FGF11: variants seen among roughly 807,000 people sequenced by gnomAD.
FGF11 encodes the protein fibroblast growth factor 11.
Under a neutral mutation model 25.1 loss-of-function variants are expected in FGF11, and 25 were observed. The ratio of observed to expected loss-of-function variants is 1.00; its 90% CI spans 0.73 to 1.39. The LOEUF (loss-of-function observed/expected upper bound fraction) is 1.39. Among genes scored for constraint, FGF11 ranks in the 40% most tolerant of loss-of-function variants. The pLI is 0.00. For missense variants in FGF11, 320 were observed against 311.0 expected (o/e 1.03, Z -0.22); for synonymous variants, 130 against 128.9 (o/e 1.01, Z -0.06).
At position 7,439,669 on chromosome 17, in the gene FGF11, G is replaced by A. The variant is rs1908219528; in HGVS notation, c.49G>A (p.Glu17Lys). 2 of 1,527,258 alleles carry A rather than the reference G, an allele frequency of 1.3e-6. No homozygotes were observed. The highest frequency in any genetic ancestry group is 1.7e-6 in the Non-Finnish European group (2 of 1,144,568). The allele number at this position is 1,527,258 out of a possible 1,614,324, so 94.6% of individuals were successfully genotyped here. A position where few individuals can be genotyped will look rare whatever the true frequency, so the allele number is the denominator to read the frequency against. ...GATCCGGCAGAAGCGGGAGGTCCGC[G>A]AGCCCGGGGGCAGCCGGCCGGTGTC... ...SLIRQKREVR[E>K]PGGSRPVSAQ... is the part of the protein sequence containing the mutation. Residue 17 changes from glutamate (E) to lysine (K), a missense_variant, in exon 1 of 5, where the codon GAG becomes AAG. Glu to Lys is a moderately conservative substitution (Grantham distance 56). Transcript: ENST00000293829.
At chr17:7,441,660 T>A (rs942871692) in intron 2 of FGF11, 79 bp downstream of exon 2, 1 of 1,592,722 alleles carries the variant, frequency 6.3e-7, no homozygotes, top group African/African-American at 1.3e-5. Flanking sequence ...CTCTTCAGCT[T>A]CTGTTGCCAT....
chr17:7,440,571 C>T lies in FGF11; in HGVS notation c.193+758C>T. On this transcript the variant is annotated intron_variant, in intron 1 of 4. Coordinates refer to ENST00000293829, the MANE Select transcript of FGF11 (RefSeq NM_004112.4). The surrounding 1 kb of genome is among the most constrained non-coding windows in gnomAD (Gnocchi z 5.4). ...GACAGGGAAGTCGGCAGAGAGCAAGCGATGGGGGAGGAGAGTTGTGAGAGT... is the reference window on the plus strand; with the variant it reads ...GACAGGGAAGTCGGCAGAGAGCAAGTGATGGGGGAGGAGAGTTGTGAGAGT... The T allele has an allele frequency of 1.3e-6, 1 of 786,134 alleles. No individual in the cohort carries two copies. The highest frequency in any genetic ancestry group is 1.5e-6 in the Non-Finnish European group (1 of 648,006). 48.7% of individuals were successfully genotyped at this position (786,134 alleles called of 1,614,324 possible).
rs1567674352 is a variant in FGF11 at position 7,441,599 on chromosome 17, C to T, written c.304+18C>T. The T allele has an allele frequency of 6.2e-7, 1 of 1,614,026 alleles. No individual in the cohort carries two copies. Among genetic ancestry groups the T allele is most frequent in the Non-Finnish European group, 8.5e-7 (1 of 1,179,936 alleles). On this transcript the variant is annotated intron_variant, in intron 2 of 4. Coordinates refer to ENST00000293829, the MANE Select transcript of FGF11 (RefSeq NM_004112.4). ...CTCCTTCAGTGAGAGGGGAAGCTGG[C>T]TGCAGGGTGGGAAGGGGGAGAATGG... is the stretch of plus-strand genomic sequence containing the variant.
Position 7,440,973 on chromosome 17 carries a change from G to C in FGF11, c.194-498G>C. On this transcript the variant is annotated intron_variant, in intron 1 of 4. Transcript: ENST00000293829. This position sits in a 1 kb window ranked among gnomAD's most constrained non-coding sequence, Gnocchi z 5.4. ...CAGGCCGGCGCTGGGCCAAGGCAAG[G>C]CTCTCGCCAAGCTAGCGGCAGCCGC... is the stretch of plus-strand genomic sequence containing the variant. The C allele has an allele frequency of 9.9e-7, 1 of 1,005,368 alleles. No homozygotes were observed. The highest frequency in any genetic ancestry group is 4.1e-5 in the South Asian group (1 of 24,584). 62.3% of individuals were successfully genotyped at this position (1,005,368 alleles called of 1,614,324 possible).
chr17:7,440,710 G>T lies in FGF11; in HGVS notation c.194-761G>T. The stretch of plus-strand genomic sequence containing the variant: ...TCGCGCCCTCCTCCCCGCGCCACCG[G>T]CTGCCCATAGTGGTACAATCCGCAG... On this transcript the variant is annotated intron_variant, in intron 1 of 4. Transcript: ENST00000293829. This position sits in a 1 kb window ranked among gnomAD's most constrained non-coding sequence, Gnocchi z 5.4. The T allele has an allele frequency of 1.0e-6, 1 of 985,864 alleles. No individual in the cohort carries two copies. Among genetic ancestry groups the T allele is most frequent in the Non-Finnish European group, 1.2e-6 (1 of 830,416 alleles). The allele number at this position is 985,864 out of a possible 1,614,324, so 61.1% of individuals were successfully genotyped here. A position where few individuals can be genotyped will look rare whatever the true frequency, so the allele number is the denominator to read the frequency against.
At chr17:7,442,855 TA>T (rs1908398372) in intron 4 of FGF11, 63 bp downstream of exon 4, 18 of 1,509,886 alleles carry the variant, frequency 1.2e-5, no homozygotes, top group Non-Finnish European at 1.7e-5. Context: ...TATGGACATT[TA>T]GGGGCAGACA....
At chr17:7,442,996 C>T (rs997214139) in intron 4 of FGF11, 80 bp from the exon 5 acceptor site, 6 of 1,245,960 alleles carry the variant, frequency 4.8e-6, no homozygotes, top group African/African-American at 1.5e-5. Flanking sequence ...GGGAAGGGAG[C>T]CCTTTTGGAG....
chr17:7,442,282 TA>T (rs1002246485), intron 3 of FGF11: 15 of 360,978 alleles, frequency 4.2e-5, no homozygotes, highest in Non-Finnish European at 6.7e-5. Flanking sequence ...TTTTTTTTTT[TA>T]AATAGTGACA....
At position 7,439,779 on chromosome 17, in the gene FGF11, C is replaced by G; in HGVS notation, c.159C>G (p.Cys53Trp). ...LLILLSKVRL[C>W]GGRPARPDRG... ...TCCTGCTGTCCAAGGTGCGACTGTG[C>G]GGGGGGCGGCCCGCGCGGCCGGACC... is the stretch of plus-strand genomic sequence containing the variant. The change falls in exon 1 of 5, where the codon TGC becomes TGG. Residue 53 changes from cysteine (C) to tryptophan (W), a missense_variant. Cys to Trp is a radical substitution (Grantham distance 215). Coordinates refer to ENST00000293829, the MANE Select transcript of FGF11 (RefSeq NM_004112.4). The G allele has an allele frequency of 6.7e-7, 1 of 1,485,648 alleles. No individual in the cohort carries two copies. The highest frequency in any genetic ancestry group is 2.7e-5 in the Admixed American group (1 of 37,072). The allele number at this position is 1,485,648 out of a possible 1,614,324, so 92.0% of individuals were successfully genotyped here.
intron 1 of FGF11, 144 bp downstream of exon 1, chr17:7,439,957 A>G (rs1440106842): frequency 1.7e-6 from 1 of 589,614 alleles, no homozygotes; most frequent in Non-Finnish European, 2.7e-6. Context: ...TCCCTGCCAG[A>G]CTGTGCCTCA....
chr17:7,439,511 C>A, upstream of FGF11: 1 of 873,798 alleles, frequency 1.1e-6, no homozygotes, highest in Non-Finnish European at 1.6e-6. Context: ...GGTGGGGCAG[C>A]GAGTCGGGGC....
At chr17:7,442,477 G>C in intron 3 of FGF11, 117 bp from the exon 4 acceptor site, 2 of 1,552,460 alleles carry the variant, frequency 1.3e-6, no homozygotes, top group Non-Finnish European at 1.7e-6. Flanking sequence ...GGACTCAGAA[G>C]TTGTCCTCCC....
At position 7,444,559 on chromosome 17, in the gene FGF11, G is replaced by A. The variant is rs1346988712; in HGVS notation, c.*1413G>A. 6.1e-6 allele frequency: 1 copy of A among 163,076 alleles called. No homozygotes were observed. Among genetic ancestry groups the A allele is most frequent in the African/African-American group, 2.4e-5 (1 of 41,472 alleles). 10.1% of individuals were successfully genotyped at this position (163,076 alleles called of 1,614,324 possible). A position where few individuals can be genotyped will look rare whatever the true frequency, so the allele number is the denominator to read the frequency against. Reference sequence around the variant, plus strand: ...CGCCCCAACAGCTTCTAATTGGATAGAACTTGCTTTACCTTACAGCTCACA... The same window carrying A: ...CGCCCCAACAGCTTCTAATTGGATAAAACTTGCTTTACCTTACAGCTCACA... On this transcript the variant is annotated 3_prime_UTR_variant, in exon 5 of 5. Transcript: ENST00000293829.
Position 7,439,601 on chromosome 17 carries a change from G to T in FGF11, c.-20G>T, listed in dbSNP as rs766061155. On this transcript the variant is annotated 5_prime_UTR_variant, in exon 1 of 5. Transcript: ENST00000293829. The stretch of plus-strand genomic sequence containing the variant: ...GCTCCGGGCGCCTGCCGGTTTGGGG[G>T]TGTCTCCTCCCGGGGCGCTATGGCG... 7 of 1,401,060 alleles carry T rather than the reference G, an allele frequency of 5.0e-6. No individual in the cohort carries two copies. In the African/African-American group the frequency reaches 9.1e-5, roughly 18 times the overall value. The allele number at this position is 1,401,060 out of a possible 1,614,324, so 86.8% of individuals were successfully genotyped here.
intron 1 of FGF11, 119 bp downstream of exon 1, chr17:7,439,932 GC>G: frequency 1.2e-6 from 1 of 820,286 alleles, no homozygotes; most frequent in Non-Finnish European, 1.7e-6. Flanking sequence ...AAGGGGGTGG[GC>G]CAGGACGACA....
At chr17:7,438,731 G>T (rs1331584895), upstream of FGF11, among the ~76,000 whole-genome samples, 1 of 152,148 alleles carries the variant, frequency 6.6e-6, no homozygotes, top group East Asian at 1.9e-4. Context: ...AGCACCAGCT[G>T]TCCCCAAGAA....
chr17:7,440,987 A>G lies in FGF11; in HGVS notation c.194-484A>G. 1 of 1,000,712 alleles carries G rather than the reference A, an allele frequency of 1.0e-6. No individual in the cohort carries two copies. Among genetic ancestry groups the G allele is most frequent in the East Asian group, 1.0e-4 (1 of 9,892 alleles). 62.0% of individuals were successfully genotyped at this position (1,000,712 alleles called of 1,614,324 possible). A position where few individuals can be genotyped will look rare whatever the true frequency, so the allele number is the denominator to read the frequency against. On this transcript the variant is annotated intron_variant, in intron 1 of 4. Transcript: ENST00000293829. The surrounding 1 kb of genome is among the most constrained non-coding windows in gnomAD (Gnocchi z 5.4). ...GCCAAGGCAAGGCTCTCGCCAAGCT[A>G]GCGGCAGCCGCAGCAGGTGCTGAGT...
chr17:7,441,682 C>T lies in FGF11; in HGVS notation c.305-94C>T, dbSNP rs553882925. The T allele has an allele frequency of 3.2e-5, 50 of 1,579,086 alleles. No homozygotes were observed. The South Asian group carries it at 5.5e-4, about 17-fold the overall frequency. On this transcript the variant is annotated intron_variant, in intron 2 of 4. Coordinates refer to ENST00000293829, the MANE Select transcript of FGF11 (RefSeq NM_004112.4). ...GCTTCTGTTGCCATTGATCCGTCTT[C>T]CTGACCTCTAAGGGAAAAAGTGGAG...
chr17:7,441,541 C>A lies in FGF11; in HGVS notation c.264C>A (p.Asp88Glu). 1 of 1,614,174 alleles carries A rather than the reference C, an allele frequency of 6.2e-7. No homozygotes were observed. The highest frequency in any genetic ancestry group is 8.5e-7 in the Non-Finnish European group (1 of 1,180,026). Residue 88 changes from aspartate to glutamate, a missense_variant, in exon 2 of 5, where the codon GAC (aspartate) becomes GAA (glutamate). Coordinates refer to ENST00000293829, the MANE Select transcript of FGF11 (RefSeq NM_004112.4). ...GTTTCTACCTCCAGGCGAATCCCGA[C>A]GGAAGCATCCAGGGCACCCCAGAGG... ...RQGFYLQANP[D>E]GSIQGTPEDT...
Sources: allele counts gnomAD v4.1 joint callset (sites outside exome capture counted in the v4.1 genomes callset), GRCh38; gene constraint gnomAD v4.1.1; non-coding constraint Gnocchi (gnomAD v3.1); transcripts MANE v1.5; gene names NCBI Gene and HGNC (gene_info 2026-07-23, HGNC 2026-07-21).